Variants in CCSER1 observed in about 807,000 individuals in gnomAD.
The protein encoded by CCSER1 is serine-rich coiled-coil domain-containing protein 1.
CCSER1 carries 41 observed loss-of-function variants against 82.0 expected under a neutral mutation model. That is an observed-to-expected ratio of 0.50 (90% CI 0.39 to 0.65). The LOEUF is 0.65. Among genes scored for constraint, CCSER1 ranks in the 30% least tolerant of loss-of-function variants. The pLI is 0.00. For missense variants in CCSER1, 1,119 were observed against 1,064.2 expected (o/e 1.05, Z -0.72); for synonymous variants, 414 against 383.9 (o/e 1.08, Z -0.92).
At chr4:91,293,820 A>T (rs1743949209) in intron 10 of CCSER1, among the ~76,000 whole-genome samples, 1 of 151,958 alleles carries the variant, frequency 6.6e-6, no homozygotes, top group Admixed American at 6.6e-5. Flanking sequence ...ATAGCAAAAG[A>T]TATTATGTGG....
intron 5 of CCSER1, among the ~76,000 whole-genome samples, chr4:90,523,773 G>A (rs781480624): frequency 1.7e-4 from 26 of 152,106 alleles, no homozygotes; most frequent in African/African-American, 5.8e-4. Context: ...TGAAAAGTAC[G>A]AAGATTTCCT....
intron 10 of CCSER1, among the ~76,000 whole-genome samples, chr4:91,510,250 A>T (rs1443867074): frequency 6.6e-6 from 1 of 152,034 alleles, no homozygotes; most frequent in East Asian, 1.9e-4. Context: ...TTTCCAATCC[A>T]CTGCCGATGG....
intron 10 of CCSER1, among the ~76,000 whole-genome samples, chr4:91,279,104 C>A (rs1021202209): frequency 3.3e-5 from 5 of 151,570 alleles, no homozygotes; most frequent in African/African-American, 1.2e-4. Context: ...TCCATTCTCT[C>A]CTGGCCTGTG....
intron 6 of CCSER1, among the ~76,000 whole-genome samples, chr4:90,704,620 C>T (rs1263636896): frequency 2.6e-5 from 4 of 152,118 alleles, no homozygotes; most frequent in African/African-American, 4.8e-5. Flanking sequence ...CCAATCAGAC[C>T]TAGATTTGGT....
rs560501943 is a variant in CCSER1 at position 90,532,618 on chromosome 4, G to A, written c.1724+64264G>A. Among the ~76,000 whole-genome samples the A allele has an allele frequency of 1.5e-3, 221 of 152,142 alleles. 2 individuals are homozygous for A. The highest frequency in any genetic ancestry group is 1.7e-3 in the Non-Finnish European group (119 of 68,014). ...TTGCTGTTGTAGCATGAAAGGAGCC[G>A]TATACAATAGGTAAATAAATAGCTG... On this transcript the variant is annotated intron_variant, in intron 5 of 10. Transcript: ENST00000509176.
At chr4:90,514,948 C>G (rs1772058700) in intron 5 of CCSER1, among the ~76,000 whole-genome samples, 1 of 151,238 alleles carries the variant, frequency 6.6e-6, no homozygotes, top group African/African-American at 2.4e-5. Flanking sequence ...ACCTCTGCCT[C>G]TCAGGTTCAA....
At chr4:91,364,463 G>A (rs1749470482) in intron 10 of CCSER1, among the ~76,000 whole-genome samples, 1 of 152,030 alleles carries the variant, frequency 6.6e-6, no homozygotes, top group Non-Finnish European at 1.5e-5. Flanking sequence ...ATTAGCACAT[G>A]AGCGTTTCTG....
At chr4:90,754,450 T>A (rs1049965698) in intron 7 of CCSER1, among the ~76,000 whole-genome samples, 1 of 152,122 alleles carries the variant, frequency 6.6e-6, no homozygotes, top group African/African-American at 2.4e-5. Flanking sequence ...TGATACTCAG[T>A]TATCTGGTCA....
intron 4 of CCSER1, among the ~76,000 whole-genome samples, chr4:90,408,472 C>T (rs1754112489): frequency 6.6e-6 from 1 of 152,206 alleles, no homozygotes; most frequent in African/African-American, 2.4e-5. Context: ...ATTTGCGGTT[C>T]ACCAATATCC....
chr4:91,011,069 G>A (rs1302706485), intron 9 of CCSER1, among the ~76,000 whole-genome samples: 1 of 134,296 alleles, frequency 7.4e-6, no homozygotes, highest in African/African-American at 2.5e-5. Flanking sequence ...GCTTTTGAAG[G>A]GAAAGACTTT....
intron 5 of CCSER1, among the ~76,000 whole-genome samples, chr4:90,531,757 ACATACACGCATG>A (rs1053197075): frequency 9.2e-5 from 14 of 152,186 alleles, no homozygotes; most frequent in Non-Finnish European, 1.6e-4. Flanking sequence ...GGTCTGACAT[ACATACACGCATG>A]CATACATACA....
At chr4:90,979,329 T>G (rs924090523) in intron 9 of CCSER1, among the ~76,000 whole-genome samples, 2 of 151,592 alleles carry the variant, frequency 1.3e-5, no homozygotes, top group African/African-American at 4.8e-5. Context: ...TGTAGACTTA[T>G]CATGTATTGA....
At chr4:90,649,490 G>A in intron 6 of CCSER1, 1 of 152,104 alleles carries the variant, frequency 6.6e-6, no homozygotes, top group East Asian at 1.9e-4. Context: ...CTTAGAGGAA[G>A]AGACACCAAA....
At chr4:90,733,505 C>T (rs62312976) in intron 7 of CCSER1, among the ~76,000 whole-genome samples, 39,436 of 151,894 alleles carry the variant, frequency 0.26, 5,826 homozygotes, top group East Asian at 0.34. Flanking sequence ...TTATTGTTTC[C>T]TTTGTTGTGC....
chr4:91,439,199 A>C (rs1187549084), intron 10 of CCSER1, among the ~76,000 whole-genome samples: 1 of 152,202 alleles, frequency 6.6e-6, no homozygotes, highest in African/African-American at 2.4e-5. Context: ...CAAAGTTGAA[A>C]TGAAGGAAAA....
At chr4:90,873,378 C>T (rs1766807436) in intron 8 of CCSER1, among the ~76,000 whole-genome samples, 3 of 151,996 alleles carry the variant, frequency 2.0e-5, no homozygotes, top group African/African-American at 7.2e-5. Context: ...CTGATGCATT[C>T]TTCAGTGTGT....
intron 8 of CCSER1, among the ~76,000 whole-genome samples, chr4:90,831,088 CATT>C (rs762061026): frequency 6.6e-6 from 1 of 151,974 alleles, no homozygotes; most frequent in Non-Finnish European, 1.5e-5. Flanking sequence ...TGAACTATCT[CATT>C]AGCTAACAAG....
intron 10 of CCSER1, among the ~76,000 whole-genome samples, chr4:91,279,907 C>A (rs1015101064): frequency 6.6e-6 from 1 of 151,962 alleles, no homozygotes; most frequent in Non-Finnish European, 1.5e-5. Context: ...TAAGAAAGGA[C>A]TTTTTTCCTG....
intron 9 of CCSER1, among the ~76,000 whole-genome samples, chr4:90,970,342 T>A (rs1378969444): frequency 6.6e-6 from 1 of 151,760 alleles, no homozygotes; most frequent in Non-Finnish European, 1.5e-5. Flanking sequence ...AGTGAGAAAT[T>A]GTCACAAAAA....
Sources: allele counts gnomAD v4.1 joint callset (sites outside exome capture counted in the v4.1 genomes callset), GRCh38; gene constraint gnomAD v4.1.1; transcripts MANE v1.5; gene names NCBI Gene and HGNC (gene_info 2026-07-23, HGNC 2026-07-21).